The following MCTP1 variants were observed in gnomAD, a reference collection of about 807,000 sequenced individuals.
The protein encoded by MCTP1 is multiple C2 and transmembrane domain-containing protein 1.
Under a neutral mutation model 120.6 loss-of-function variants are expected in MCTP1, and 69 were observed. The ratio of observed to expected loss-of-function variants is 0.57; its 90% CI spans 0.47 to 0.70. The LOEUF is 0.70. MCTP1 is among the 30% of genes least tolerant of loss of function. The pLI is 0.00. For synonymous variants in MCTP1, 529 were observed against 493.1 expected (o/e 1.07, Z -0.96); for missense variants, 1,203 against 1,248.8 (o/e 0.96, Z 0.55).
At chr5:94,920,491 C>T (rs1811302042) in intron 7 of MCTP1, among the ~76,000 whole-genome samples, 1 of 151,940 alleles carries the variant, frequency 6.6e-6, no homozygotes, top group Admixed American at 6.6e-5. Flanking sequence ...GCCTGTAATC[C>T]CAGCACTTTG....
rs1425427890 is a variant in MCTP1, at chr5:94,706,908, T to TCA, written c.*586_*587dup. ...TTCTCTTGAGGGAGTGAATGTACCTTCACTTATTAGCTTAAAATTAGCCTA... is the reference window on the plus strand; with the variant it reads ...TTCTCTTGAGGGAGTGAATGTACCTTCACACTTATTAGCTTAAAATTAGCCTA... On this transcript the variant is annotated 3_prime_UTR_variant, in exon 23 of 23. Coordinates refer to ENST00000515393, the MANE Select transcript of MCTP1 (RefSeq NM_024717.7). The TCA allele has an allele frequency of 1.3e-5, 2 of 151,840 alleles. No individual in the cohort carries two copies. Among genetic ancestry groups the TCA allele is most frequent in the East Asian group, 3.9e-4 (2 of 5,146 alleles). The allele number at this position is 151,840 out of a possible 1,614,324, so 9.4% of individuals were successfully genotyped here.
intron 1 of MCTP1, among the ~76,000 whole-genome samples, chr5:95,255,140 G>C (rs1421250171): frequency 1.3e-5 from 2 of 152,110 alleles, no homozygotes; most frequent in African/African-American, 4.8e-5. Context: ...ATTGATAAGG[G>C]TTGCAGGAGT....
chr5:95,119,221 A>G (rs1758029828), intron 1 of MCTP1, among the ~76,000 whole-genome samples: 1 of 152,242 alleles, frequency 6.6e-6, no homozygotes, highest in Non-Finnish European at 1.5e-5. Flanking sequence ...CTAGAAATCA[A>G]TAACCAGAGG....
rs750498628 is a variant in MCTP1 at position 94,912,956 on chromosome 5, G to A, written c.1371C>T (p.Arg457=). The change falls in exon 9 of 23, where the codon CGC becomes CGT. Residue 457 remains arginine (R), a synonymous_variant. Coordinates refer to ENST00000515393, the MANE Select transcript of MCTP1 (RefSeq NM_024717.7). ...KNVQFQTQSL[R]LSDLHRKSHL... is the part of the protein sequence containing the mutation. ...GCGATTTTCTGTGTAGGTCTGATAG[G>A]CGTAAACTTTGGGTCTGAAACTTTT... The A allele has an allele frequency of 4.4e-6, 7 of 1,591,926 alleles. 1 individual carries two copies. The South Asian group carries it at 6.9e-5, about 16-fold the overall frequency.
At chr5:95,062,332 C>G (rs544349028) in intron 1 of MCTP1, among the ~76,000 whole-genome samples, 10 of 152,078 alleles carry the variant, frequency 6.6e-5, no homozygotes, top group Non-Finnish European at 1.0e-4. Flanking sequence ...CTGGGAAAAC[C>G]CATCACATTT....
intron 1 of MCTP1, among the ~76,000 whole-genome samples, chr5:95,108,442 G>A (rs1376198096): frequency 6.6e-6 from 1 of 152,142 alleles, no homozygotes; most frequent in Non-Finnish European, 1.5e-5. Flanking sequence ...TTAATAACCA[G>A]CTTAATGTGT....
At chr5:95,012,612 T>C (rs1377623554) in intron 2 of MCTP1, among the ~76,000 whole-genome samples, 1 of 152,152 alleles carries the variant, frequency 6.6e-6, no homozygotes, top group Non-Finnish European at 1.5e-5. Flanking sequence ...AGCTTCTTCA[T>C]TATTATTATA....
At chr5:95,247,448 T>C (rs1756924329) in intron 1 of MCTP1, among the ~76,000 whole-genome samples, 1 of 152,026 alleles carries the variant, frequency 6.6e-6, no homozygotes. Context: ...TGAATTTGTT[T>C]CTTTTGCTTC....
intron 11 of MCTP1, 137 bp downstream of exon 11, chr5:94,894,512 G>T: frequency 1.8e-6 from 1 of 569,524 alleles, no homozygotes; most frequent in Non-Finnish European, 3.0e-6. Context: ...TGTGGCATTT[G>T]TTTTCACTCA....
intron 19 of MCTP1, among the ~76,000 whole-genome samples, chr5:94,741,610 C>G (rs754920452): frequency 6.6e-5 from 10 of 152,176 alleles, no homozygotes; most frequent in Non-Finnish European, 1.5e-4. Context: ...CTGCTAAGAG[C>G]ATGATTTTAA....
chr5:94,990,780 C>T (rs414007), intron 2 of MCTP1, among the ~76,000 whole-genome samples: 108,243 of 152,022 alleles, frequency 0.71, 39,044 homozygotes, highest in Admixed American at 0.81. Flanking sequence ...TAAATCCAGC[C>T]TTATTTAGCT....
chr5:95,226,812 G>A (rs1233110719), intron 1 of MCTP1, among the ~76,000 whole-genome samples: 1 of 151,794 alleles, frequency 6.6e-6, no homozygotes, highest in Non-Finnish European at 1.5e-5. Flanking sequence ...CAAGATAGAG[G>A]TGAAGCAAAA....
intron 1 of MCTP1, among the ~76,000 whole-genome samples, chr5:95,166,555 C>A (rs184849026): frequency 1.4e-5 from 2 of 147,076 alleles, no homozygotes. Context: ...TATTTACCAC[C>A]CTAATTTTAA....
intron 1 of MCTP1, among the ~76,000 whole-genome samples, chr5:95,042,429 A>G (rs892203319): frequency 2.6e-5 from 4 of 152,182 alleles, no homozygotes; most frequent in African/African-American, 9.6e-5. Flanking sequence ...TGGTTTATGG[A>G]TAGTGATAAG....
intron 19 of MCTP1, among the ~76,000 whole-genome samples, chr5:94,722,652 A>T (rs1038556832): frequency 6.6e-6 from 1 of 152,178 alleles, no homozygotes; most frequent in Non-Finnish European, 1.5e-5. Context: ...GATACCTTCT[A>T]TCCCAAAGAG....
intron 3 of MCTP1, among the ~76,000 whole-genome samples, chr5:94,947,577 T>TAGAGAGAGAGAG (rs3030518): frequency 6.3e-4 from 30 of 47,378 alleles, no homozygotes; most frequent in Admixed American, 1.0e-3. Context: ...TATATATATA[T>TAGAGAGAGAGAG]AGAGAGAGAG....
intron 1 of MCTP1, among the ~76,000 whole-genome samples, chr5:95,153,975 T>C (rs1744816105): frequency 6.6e-6 from 1 of 152,234 alleles, no homozygotes; most frequent in East Asian, 1.9e-4. Context: ...TTAGCTCACT[T>C]CTCTGAAAGT....
chr5:95,044,463 C>A (rs141911822), intron 1 of MCTP1, among the ~76,000 whole-genome samples: 2 of 152,140 alleles, frequency 1.3e-5, no homozygotes, highest in East Asian at 3.9e-4. Context: ...TCACACTTAG[C>A]CCCTGTAGAT....
At chr5:95,256,784 C>T (rs530597785) in intron 1 of MCTP1, among the ~76,000 whole-genome samples, 2 of 152,180 alleles carry the variant, frequency 1.3e-5, no homozygotes, top group African/African-American at 4.8e-5. Flanking sequence ...GAAAGCAAGA[C>T]GAGGTGGTAA....
Sources: gnomAD v4.1 joint callset for allele counts (sites outside exome capture counted in the v4.1 genomes callset) on GRCh38, gnomAD v4.1.1 for gene constraint, MANE v1.5 for transcripts, NCBI Gene and HGNC (gene_info 2026-07-23, HGNC 2026-07-21) for gene names.